Variants in ITGB7 observed in about 807,000 individuals in gnomAD.
The protein encoded by ITGB7 is integrin subunit beta 7, also known as integrin beta-7.
In ITGB7, 55 loss-of-function variants were observed where a neutral mutation model predicts 83.4. That is an observed-to-expected ratio of 0.66 (90% CI 0.53 to 0.83). ITGB7 has a LOEUF of 0.83. ITGB7 is among the 40% of genes least tolerant of loss of function. The probability of loss-of-function intolerance (pLI) is 0.00; values close to 1 mark genes in which losing one functional copy is unlikely to be tolerated. For missense variants in ITGB7, 921 were observed against 1,046.7 expected (o/e 0.88, Z 1.66); for synonymous variants, 454 against 423.6 (o/e 1.07, Z -0.88).
In ITGB7 at chr12:53,203,647, C is replaced by CAAAA. The variant is rs1158624130; in HGVS notation, c.-126-2457_-126-2454dup. ...TAGGCGACAGAGCGAGACCCTGTCT[C>CAAAA]AAAAAAAAAAAAAAAAAAAAAAAAG... is the stretch of plus-strand genomic sequence containing the variant. On this transcript the variant is annotated intron_variant, in intron 1 of 15. Coordinates refer to ENST00000267082, the MANE Select transcript of ITGB7 (RefSeq NM_000889.3). Among the ~76,000 whole-genome samples the CAAAA allele has an allele frequency of 5.5e-3, 267 of 48,798 alleles. 2 individuals are homozygous for CAAAA. Among genetic ancestry groups the CAAAA allele is most frequent in the Middle Eastern group, 0.038 (3 of 78 alleles). The allele number at this position is 48,798 out of a possible 152,430, so 32.0% of individuals were successfully genotyped here.
chr12:53,196,295 C>CT (rs1942157973), intron 6 of ITGB7, 96 bp from the exon 7 acceptor site: 15 of 1,428,976 alleles, frequency 1.0e-5, no homozygotes, highest in Non-Finnish European at 1.4e-5. Flanking sequence ...CAGCCTCACT[C>CT]TGAGTCAGCT....
In ITGB7 at chr12:53,196,839, G is replaced by T; in HGVS notation, c.575-19C>A. ...CCAAAACCTGGGAGAGGAGAGGAAT[G>T]AAGGTTGTGCCAGAAGTCGCAGGGC... is the stretch of plus-strand genomic sequence containing the variant. On this transcript the variant is annotated intron_variant, in intron 5 of 15. Transcript: ENST00000267082. 1 of 1,582,224 alleles carries T rather than the reference G, an allele frequency of 6.3e-7. No individual in the cohort carries two copies. Among genetic ancestry groups the T allele is most frequent in the Non-Finnish European group, 8.6e-7 (1 of 1,157,460 alleles).
intron 14 of ITGB7, 110 bp downstream of exon 14, chr12:53,192,220 C>A: frequency 7.7e-7 from 1 of 1,297,468 alleles, no homozygotes; most frequent in Non-Finnish European, 1.1e-6. Context: ...CCTGGATTCA[C>A]AGTTCTGCTT....
rs1942011078 is a variant in ITGB7, at chr12:53,192,854, C to T, written c.1783G>A (p.Ala595Thr). 1.9e-6 allele frequency: 3 copies of T among 1,614,238 alleles called. No individual in the cohort carries two copies. Among genetic ancestry groups the T allele is most frequent in the Non-Finnish European group, 2.5e-6 (3 of 1,180,054 alleles). Reference sequence around the variant, plus strand: ...TCCATGTCCCCACTGCATTCGCATGCTCTGCCCGTGCGGTTGGCATGACAG... The same window carrying T: ...TCCATGTCCCCACTGCATTCGCATGTTCTGCCCGTGCGGTTGGCATGACAG... ...CHCHANRTGR[A>T]CECSGDMDSC... The change falls in exon 13 of 16, where the codon GCA (alanine) becomes ACA (threonine). Residue 595 changes from alanine to threonine, a missense_variant. By Grantham distance (58) the Ala-to-Thr change is moderately conservative (BLOSUM62 0). Coordinates refer to ENST00000267082, the MANE Select transcript of ITGB7 (RefSeq NM_000889.3).
At chr12:53,198,972 C>T (rs565663494) in intron 3 of ITGB7, among the ~76,000 whole-genome samples, 6 of 152,322 alleles carry the variant, frequency 3.9e-5, no homozygotes, top group South Asian at 2.1e-4. Context: ...ATCTCAAGAG[C>T]GCCAGCTCCC....
intron 14 of ITGB7, 45 bp downstream of exon 14, chr12:53,192,285 C>T (rs779877093): frequency 2.8e-5 from 45 of 1,585,036 alleles, no homozygotes; most frequent in Admixed American, 1.7e-5. Flanking sequence ...AGTTGAGACC[C>T]TGCCCATCAA....
rs1448391458 is a variant in ITGB7, at chr12:53,196,068, A to G, written c.948T>C (p.Asn316=). The G allele has an allele frequency of 6.2e-7, 1 of 1,614,174 alleles. No individual in the cohort carries two copies. Among genetic ancestry groups the G allele is most frequent in the South Asian group, 1.1e-5 (1 of 91,084 alleles). ...ACTCTGTGCTGCGACTGTAGAGGCC[A>G]TTGCTGTCCAAGTGGCAGTGCCCAT... The part of the protein sequence containing the change: ...PSDGHCHLDS[N]GLYSRSTEFD... The change falls in exon 7 of 16, where the codon AAT becomes AAC. Residue 316 remains asparagine (N), a synonymous_variant. Transcript: ENST00000267082.
chr12:53,205,361 T>C (rs890382305), intron 1 of ITGB7, among the ~76,000 whole-genome samples: 1 of 151,410 alleles, frequency 6.6e-6, no homozygotes. Context: ...ATTATTTTTG[T>C]ATTATTTTGC....
At chr12:53,207,124 T>A (rs1315386841) in intron 1 of ITGB7, 78 bp downstream of exon 1, 2 of 152,720 alleles carry the variant, frequency 1.3e-5, no homozygotes, top group Non-Finnish European at 2.9e-5. Flanking sequence ...GTCAGAGCCC[T>A]CTTCCCAAGA....
intron 1 of ITGB7, among the ~76,000 whole-genome samples, chr12:53,203,647 C>CAAAAAAAAAAAAAAAAAAAAAAAAAAA (rs1158624130): frequency 2.0e-5 from 1 of 51,060 alleles, no homozygotes; most frequent in East Asian, 7.5e-4. Context: ...GACCCTGTCT[C>CAAAAAAAAAAAAAAAAAAAAAAAAAAA]AAAAAAAAAA....
Position 53,192,785 on chromosome 12 carries a change from G to A in ITGB7, c.1852C>T (p.Arg618Cys), listed in dbSNP as rs758795578. The change falls in exon 13 of 16, where the codon CGC (arginine) becomes TGC (cysteine). Residue 618 changes from arginine (R) to cysteine (C), a missense_variant. Coordinates refer to ENST00000267082, the MANE Select transcript of ITGB7 (RefSeq NM_000889.3). ...PEGGLCSGHG[R>C]CKCNRCQCLD... is the part of the protein sequence containing the mutation. Reference sequence around the variant, plus strand: ...CACTGGCAGCGGTTGCATTTGCAGCGTCCATGCCCACTGCAGAGCCCTCCC... The same window carrying A: ...CACTGGCAGCGGTTGCATTTGCAGCATCCATGCCCACTGCAGAGCCCTCCC... 2.1e-5 allele frequency: 34 copies of A among 1,614,100 alleles called. No individual in the cohort carries two copies. Among genetic ancestry groups the A allele is most frequent in the African/African-American group, 8.0e-5 (6 of 74,940 alleles).
In ITGB7 at chr12:53,197,485, C is replaced by T. The variant is rs150188813; in HGVS notation, c.574+8G>A. ...GGCTAACAGGGCGGGAGGCAGCGCTCGGCTCACCAATGCGCACAGAATGGG... is the reference window on the plus strand; with the variant it reads ...GGCTAACAGGGCGGGAGGCAGCGCTTGGCTCACCAATGCGCACAGAATGGG... On this transcript the variant is annotated splice_region_variant and intron_variant, in intron 5 of 15. Transcript: ENST00000267082. 4.7e-5 allele frequency: 76 copies of T among 1,613,890 alleles called. No individual in the cohort carries two copies. The highest frequency in any genetic ancestry group is 1.3e-4 in the South Asian group (12 of 91,076).
At chr12:53,206,559 T>C (rs966396866) in intron 1 of ITGB7, 8 of 152,364 alleles carry the variant, frequency 5.3e-5, no homozygotes, top group African/African-American at 1.9e-4. Context: ...TTCCCTTCTC[T>C]CTCTGGGACC....
Position 53,192,838 on chromosome 12 carries a change from C to G in ITGB7, c.1799G>C (p.Gly600Ala). 6.2e-7 allele frequency: 1 copy of G among 1,614,226 alleles called. No individual in the cohort carries two copies. Among genetic ancestry groups the G allele is most frequent in the Non-Finnish European group, 8.5e-7 (1 of 1,180,060 alleles). The change falls in exon 13 of 16, where the codon GGG becomes GCG. Residue 600 changes from glycine (G) to alanine (A), a missense_variant. Gly to Ala is a moderately conservative substitution (Grantham distance 60). Coordinates refer to ENST00000267082, the MANE Select transcript of ITGB7 (RefSeq NM_000889.3). ...NRTGRACECS[G>A]DMDSCISPEG... ...GGGACTGATGCAACTGTCCATGTCCCCACTGCATTCGCATGCTCTGCCCGT... is the reference window on the plus strand; with the variant it reads ...GGGACTGATGCAACTGTCCATGTCCGCACTGCATTCGCATGCTCTGCCCGT...
chr12:53,193,414 CT>C (rs1277437961), intron 11 of ITGB7, 51 bp from the exon 12 acceptor site: 2 of 1,334,250 alleles, frequency 1.5e-6, no homozygotes, highest in Admixed American at 2.7e-5. Context: ...TTGATCACCC[CT>C]GACTTGTCTC....
chr12:53,204,473 G>T (rs1291893960), intron 1 of ITGB7, among the ~76,000 whole-genome samples: 1 of 151,696 alleles, frequency 6.6e-6, no homozygotes, highest in Non-Finnish European at 1.5e-5. Context: ...ATTCATGAAA[G>T]GTCACATATT....
intron 1 of ITGB7, among the ~76,000 whole-genome samples, chr12:53,202,557 A>G (rs1942344902): frequency 6.6e-6 from 1 of 151,180 alleles, no homozygotes; most frequent in African/African-American, 2.4e-5. Flanking sequence ...GTTTGACCAC[A>G]TTGGCCGGGC....
chr12:53,194,030 G>T, intron 10 of ITGB7, 129 bp from the exon 11 acceptor site: 1 of 1,308,576 alleles, frequency 7.6e-7, no homozygotes, highest in East Asian at 2.4e-5. Context: ...CCAACTCCTA[G>T]AAACATGCCT....
chr12:53,198,829 G>A (rs1053428817), intron 3 of ITGB7, among the ~76,000 whole-genome samples: 2 of 152,202 alleles, frequency 1.3e-5, no homozygotes, highest in Non-Finnish European at 2.9e-5. Context: ...CAGAAGAGGA[G>A]GCGTCCTCCC....
Sources: allele counts gnomAD v4.1 joint callset (sites outside exome capture counted in the v4.1 genomes callset), GRCh38; gene constraint gnomAD v4.1.1; transcripts MANE v1.5; gene names NCBI Gene and HGNC (gene_info 2026-07-23, HGNC 2026-07-21).